Variants in LINGO2 observed in about 807,000 individuals in gnomAD.
LINGO2 encodes leucine-rich repeat and immunoglobulin-like domain-containing nogo receptor-interacting protein 2.
A neutral mutation model predicts 30.6 loss-of-function variants in LINGO2; 14 were observed. The observed-to-expected ratio is 0.46, with a 90% CI of 0.30 to 0.72. The LOEUF is 0.72. LINGO2 is among the 30% of genes least tolerant of loss of function. The probability of loss-of-function intolerance (pLI) is 0.07; values close to 1 mark genes in which losing one functional copy is unlikely to be tolerated. For missense variants in LINGO2, 729 were observed against 751.7 expected, an observed-to-expected ratio of 0.97 and a Z score of 0.35; for synonymous variants, 317 against 288.5, an observed-to-expected ratio of 1.10 and a Z score of -1.00.
chr9:28,831,352 C>T, the LINGO2 span, among the ~76,000 whole-genome samples: 2 of 152,104 alleles, frequency 1.3e-5, no homozygotes, highest in Admixed American at 1.3e-4. Context: ...AAAATTTTAA[C>T]AGACAGAAGG....
intron 5 of LINGO2, among the ~76,000 whole-genome samples, chr9:27,964,922 T>C (rs1338138883): frequency 1.3e-5 from 2 of 152,116 alleles, no homozygotes; most frequent in South Asian, 2.1e-4. Context: ...TGTATATGTA[T>C]GTTGCCTTCA....
chr9:28,398,773 A>G (rs150575430), intron 2 of LINGO2, among the ~76,000 whole-genome samples: 31 of 152,188 alleles, frequency 2.0e-4, no homozygotes, highest in African/African-American at 5.5e-4. Flanking sequence ...CAACCTGCAT[A>G]TTTCTTTATA....
At chr9:28,518,235 T>TTTAAATTGTTTTCA (rs1247946530) in intron 1 of LINGO2, among the ~76,000 whole-genome samples, 5 of 152,180 alleles carry the variant, frequency 3.3e-5, no homozygotes, top group Admixed American at 3.3e-4. Context: ...TTCAAAGAGT[T>TTTAAATTGTTTTCA]AAAACAAATT....
intron 1 of LINGO2, among the ~76,000 whole-genome samples, chr9:28,591,843 C>G (rs1195393240): frequency 3.9e-5 from 6 of 152,016 alleles, no homozygotes; most frequent in African/African-American, 1.2e-4. Context: ...CTTGGAAACT[C>G]TAGCTATAGC....
intron 5 of LINGO2, among the ~76,000 whole-genome samples, chr9:27,968,301 A>G (rs2118710122): frequency 6.6e-6 from 1 of 152,238 alleles, no homozygotes; most frequent in South Asian, 2.1e-4. Flanking sequence ...AAATACTGAA[A>G]AAACAATATC....
chr9:28,386,326 C>G (rs572055030), intron 2 of LINGO2, among the ~76,000 whole-genome samples: 2 of 152,174 alleles, frequency 1.3e-5, no homozygotes, highest in Non-Finnish European at 2.9e-5. Flanking sequence ...ACACTAAATA[C>G]TAAAAGAGAG....
At chr9:28,165,095 T>C (rs1828390500) in intron 4 of LINGO2, among the ~76,000 whole-genome samples, 1 of 152,184 alleles carries the variant, frequency 6.6e-6, no homozygotes, top group African/African-American at 2.4e-5. Context: ...AAACAAAAAC[T>C]AGACATACAG....
At chr9:28,418,472 T>C (rs1215405506) in intron 2 of LINGO2, among the ~76,000 whole-genome samples, 1 of 151,794 alleles carries the variant, frequency 6.6e-6, no homozygotes, top group Non-Finnish European at 1.5e-5. Flanking sequence ...AGAGATGGGG[T>C]TTCACCATCT....
chr9:28,904,969 C>A, the LINGO2 span, among the ~76,000 whole-genome samples: 1 of 151,862 alleles, frequency 6.6e-6, no homozygotes, highest in Non-Finnish European at 1.5e-5. Flanking sequence ...AAAAATAAAT[C>A]CACGCATTTA....
At chr9:28,018,918 GA>G (rs1338090513) in intron 4 of LINGO2, among the ~76,000 whole-genome samples, 2 of 151,988 alleles carry the variant, frequency 1.3e-5, no homozygotes, top group Non-Finnish European at 2.9e-5. Flanking sequence ...ACAAGATGAG[GA>G]ATCATACACT....
At chr9:29,133,741 T>C in the LINGO2 span, among the ~76,000 whole-genome samples, 7 of 152,144 alleles carry the variant, frequency 4.6e-5, no homozygotes, top group African/African-American at 1.7e-4. Flanking sequence ...GCTAAGAAAC[T>C]TTCCAATCCA....
chr9:28,036,856 A>G (rs1245102911), intron 4 of LINGO2, among the ~76,000 whole-genome samples: 2 of 152,268 alleles, frequency 1.3e-5, no homozygotes, highest in Admixed American at 1.3e-4. Context: ...TTCTAGACAC[A>G]GAAAATATAA....
At chr9:28,435,269 C>T (rs1193280637) in intron 2 of LINGO2, among the ~76,000 whole-genome samples, 1 of 152,070 alleles carries the variant, frequency 6.6e-6, no homozygotes, top group Non-Finnish European at 1.5e-5. Flanking sequence ...TTTATTATGT[C>T]ATTTTAACCA....
chr9:29,188,961 T>A, the LINGO2 span, among the ~76,000 whole-genome samples: 3 of 138,310 alleles, frequency 2.2e-5, no homozygotes, highest in African/African-American at 8.2e-5. Flanking sequence ...GGCGGGGGGC[T>A]GACCCCCCCA....
chr9:28,089,664 C>T (rs1466302204), intron 4 of LINGO2, among the ~76,000 whole-genome samples: 1 of 151,966 alleles, frequency 6.6e-6, no homozygotes, highest in Admixed American at 6.6e-5. Flanking sequence ...ACTAGAGAAG[C>T]AAGAGCAAAC....
At chr9:28,908,811 G>C in the LINGO2 span, among the ~76,000 whole-genome samples, 1 of 151,780 alleles carries the variant, frequency 6.6e-6, no homozygotes, top group African/African-American at 2.4e-5. Flanking sequence ...TTCAGCCTTT[G>C]CTACAATGAA....
chr9:28,166,937 C>T (rs909476391), intron 4 of LINGO2, among the ~76,000 whole-genome samples: 39 of 152,122 alleles, frequency 2.6e-4, no homozygotes, highest in African/African-American at 8.7e-4. Flanking sequence ...CACAGACAGT[C>T]AATGAGAACT....
chr9:29,118,984 C>A, the LINGO2 span, among the ~76,000 whole-genome samples: 4 of 152,160 alleles, frequency 2.6e-5, no homozygotes, highest in African/African-American at 9.7e-5. Context: ...GGTCTGGAAT[C>A]AGTCCTGCTC....
chr9:28,131,216 C>T (rs1827370186), intron 4 of LINGO2, among the ~76,000 whole-genome samples: 1 of 150,740 alleles, frequency 6.6e-6, no homozygotes, highest in Non-Finnish European at 1.5e-5. Flanking sequence ...CAAGGTACGA[C>T]TTTTGGAGCA....
Sources: allele counts gnomAD v4.1 joint callset (sites outside exome capture counted in the v4.1 genomes callset), GRCh38; gene constraint gnomAD v4.1.1; transcripts MANE v1.5; gene names NCBI Gene and HGNC (gene_info 2026-07-23, HGNC 2026-07-21).